ITPKB: variants seen among roughly 807,000 people sequenced by gnomAD.
The protein encoded by ITPKB is inositol-trisphosphate 3-kinase B, also known as IP3 3-kinase B.
Under a neutral mutation model 69.4 loss-of-function variants are expected in ITPKB, and 13 were observed. The observed-to-expected ratio is 0.19, with a 90% CI of 0.12 to 0.30. The LOEUF (loss-of-function observed/expected upper bound fraction) is 0.30. Ranked by LOEUF, ITPKB falls within the 10% of genes least tolerant of loss-of-function variation. ITPKB has a pLI of 1.00. For missense variants in ITPKB, 1,240 were observed against 1,250.5 expected (o/e 0.99, Z 0.13); for synonymous variants, 584 against 513.7 (o/e 1.14, Z -1.85).
intron 2 of ITPKB, among the ~76,000 whole-genome samples, chr1:226,697,699 G>A (rs1656526594): frequency 6.6e-6 from 1 of 152,224 alleles, no homozygotes; most frequent in East Asian, 1.9e-4. Flanking sequence ...GAGAAGGGAG[G>A]CGATTAGTGG....
At chr1:226,683,626 G>A (rs911640422) in intron 2 of ITPKB, among the ~76,000 whole-genome samples, 2 of 152,032 alleles carry the variant, frequency 1.3e-5, no homozygotes, top group Admixed American at 1.3e-4. Context: ...CGGGGGAAGG[G>A]GAGTGTAGAC....
intron 7 of ITPKB, among the ~76,000 whole-genome samples, chr1:226,636,794 G>T (rs552484632): frequency 0.01 from 1,197 of 116,970 alleles, 16 homozygotes; most frequent in African/African-American, 0.05. Flanking sequence ...GTGTGTGTGT[G>T]AGACTGGGAA....
intron 4 of ITPKB, among the ~76,000 whole-genome samples, chr1:226,644,772 A>T (rs1669031084): frequency 6.6e-6 from 1 of 152,154 alleles, no homozygotes; most frequent in Non-Finnish European, 1.5e-5. Flanking sequence ...ATGTGAGGTA[A>T]CCCTGGGCTC....
In ITPKB at chr1:226,735,593, G is replaced by A. The variant is rs945607729; in HGVS notation, c.1866C>T (p.Asp622=). The change falls in exon 2 of 8, where the codon GAC becomes GAT. Residue 622 remains aspartate, a synonymous_variant. Transcript: ENST00000429204. The part of the protein sequence containing the change: ...YEDSEEDISS[D]PERTLDPNSA... ...AGTTGGGGTCCAGGGTGCGCTCAGG[G>A]TCACTGGAGATGTCCTCCTCTGAGT... is the stretch of plus-strand genomic sequence containing the variant. 2 of 1,595,840 alleles carry A rather than the reference G, an allele frequency of 1.3e-6. No homozygotes were observed. The highest frequency in any genetic ancestry group is 2.2e-5 in the East Asian group (1 of 44,640).
At position 226,736,672 on chromosome 1, in the gene ITPKB, C is replaced by G; in HGVS notation, c.787G>C (p.Ala263Pro). Reference protein sequence around the residue: ...AFVRMEKGIPASPRCGSPTAM... With the variant: ...AFVRMEKGIPPSPRCGSPTAM... ...GTGGGTGAGCCACAGCGGGGACTGGCAGGGATACCCTTCTCCATCCTTACA... is the reference window on the plus strand; with the variant it reads ...GTGGGTGAGCCACAGCGGGGACTGGGAGGGATACCCTTCTCCATCCTTACA... Residue 263 changes from alanine (A) to proline (P), a missense_variant, in exon 2 of 8, where the codon GCC (alanine) becomes CCC (proline). Physicochemically the swap from Ala to Pro is conservative, Grantham distance 27. Transcript: ENST00000429204. The G allele has an allele frequency of 1.2e-6, 2 of 1,613,248 alleles. No individual in the cohort carries two copies. Among genetic ancestry groups the G allele is most frequent in the Non-Finnish European group, 1.7e-6 (2 of 1,179,928 alleles).
Position 226,634,785 on chromosome 1 carries a change from G to A in ITPKB, c.2727C>T (p.Thr909=). ...GKTTPLPEGQ[T]LQHDVPWQEG... ...CCTGCCAGGGGACGTCATGCTGCAG[G>A]GTCTGGCCCTCAGGCAGGGGCGTGG... Residue 909 remains threonine, a synonymous_variant, in exon 8 of 8, where the codon ACC becomes ACT. Transcript: ENST00000429204. The surrounding 1 kb of genome is among the most constrained non-coding windows in gnomAD (Gnocchi z 6.3). 6.4e-7 allele frequency: 1 copy of A among 1,564,896 alleles called. No individual in the cohort carries two copies. Among genetic ancestry groups the A allele is most frequent in the Non-Finnish European group, 8.8e-7 (1 of 1,135,122 alleles).
At chr1:226,686,043 C>G (rs1201269242) in intron 2 of ITPKB, among the ~76,000 whole-genome samples, 1 of 152,212 alleles carries the variant, frequency 6.6e-6, no homozygotes, top group Non-Finnish European at 1.5e-5. Context: ...CCCAGGTTAA[C>G]AAGGCAAGTT....
At chr1:226,715,705 T>C (rs1184161617) in intron 2 of ITPKB, among the ~76,000 whole-genome samples, 2 of 152,264 alleles carry the variant, frequency 1.3e-5, no homozygotes, top group Non-Finnish European at 2.9e-5. Context: ...TCAACGTCAA[T>C]TTTCTAGGTA....
At chr1:226,670,664 G>C (rs1669596364) in intron 2 of ITPKB, among the ~76,000 whole-genome samples, 1 of 152,216 alleles carries the variant, frequency 6.6e-6, no homozygotes, top group Non-Finnish European at 1.5e-5. Flanking sequence ...CAATTTATAA[G>C]AGTAGTTGTA....
intron 2 of ITPKB, among the ~76,000 whole-genome samples, chr1:226,656,003 C>T (rs147887700): frequency 4.0e-4 from 61 of 152,336 alleles, no homozygotes; most frequent in African/African-American, 1.1e-3. Context: ...CCTGTCCCCA[C>T]GCCACCTTAG....
At chr1:226,674,320 C>G (rs965009798) in intron 2 of ITPKB, among the ~76,000 whole-genome samples, 7 of 152,310 alleles carry the variant, frequency 4.6e-5, no homozygotes, top group Non-Finnish European at 8.8e-5. Context: ...CTGCCTCAGC[C>G]TCCGAGTAGC....
Position 226,642,586 on chromosome 1 carries a change from C to A in ITPKB, c.2247-461G>T, listed in dbSNP as rs1048183248. Among the ~76,000 whole-genome samples, 1 of 152,044 alleles carries A rather than the reference C, an allele frequency of 6.6e-6. No individual in the cohort carries two copies. Among genetic ancestry groups the A allele is most frequent in the Non-Finnish European group, 1.5e-5 (1 of 68,016 alleles). On this transcript the variant is annotated intron_variant, in intron 4 of 7. Transcript: ENST00000429204. This position sits in a 1 kb window ranked among gnomAD's most constrained non-coding sequence, Gnocchi z 6.4. ...GCCCAAGGAGCTCCTCCTCGGGAGACCCCCACAGGAACCAGCAGAAGAAGG... is the reference window on the plus strand; with the variant it reads ...GCCCAAGGAGCTCCTCCTCGGGAGAACCCCACAGGAACCAGCAGAAGAAGG...
At chr1:226,719,683 T>TG (rs1315752271) in intron 2 of ITPKB, among the ~76,000 whole-genome samples, 1 of 152,254 alleles carries the variant, frequency 6.6e-6, no homozygotes, top group Non-Finnish European at 1.5e-5. Flanking sequence ...TTGTACCTGT[T>TG]GGACTCATGC....
At position 226,650,657 on chromosome 1, in the gene ITPKB, G is replaced by A. The variant is rs561013117; in HGVS notation, c.1933-1886C>T. ...GAGAGTGCACAGCCGGTCACCACCCGTGGGTCACATCCCTGCAGCAGAGCT... is the reference window on the plus strand; with the variant it reads ...GAGAGTGCACAGCCGGTCACCACCCATGGGTCACATCCCTGCAGCAGAGCT... On this transcript the variant is annotated intron_variant, in intron 2 of 7. Coordinates refer to ENST00000429204, the MANE Select transcript of ITPKB (RefSeq NM_002221.4). Among the ~76,000 whole-genome samples, 9 of 152,332 alleles carry A rather than the reference G, an allele frequency of 5.9e-5. No individual in the cohort carries two copies. In the East Asian group the frequency reaches 7.7e-4, roughly 13 times the overall value.
chr1:226,649,054 GCAC>G (rs768175660), intron 2 of ITPKB, among the ~76,000 whole-genome samples: 7 of 152,322 alleles, frequency 4.6e-5, no homozygotes, highest in African/African-American at 1.2e-4. Flanking sequence ...CCACCCAGCC[GCAC>G]CACATTAGTT....
intron 4 of ITPKB, among the ~76,000 whole-genome samples, chr1:226,645,567 G>T (rs1669044198): frequency 6.6e-6 from 1 of 152,164 alleles, no homozygotes; most frequent in African/African-American, 2.4e-5. Context: ...TACTTTTTTG[G>T]CCAGGTCTGA....
In ITPKB at chr1:226,634,503, G is replaced by T. The variant is rs1668787970; in HGVS notation, c.*168C>A. ...AGTGCAAACACCACCTCCAAGCCCT[G>T]AAGTTAGGAAAATGACTAGAAACTC... On this transcript the variant is annotated 3_prime_UTR_variant, in exon 8 of 8. Coordinates refer to ENST00000429204, the MANE Select transcript of ITPKB (RefSeq NM_002221.4). This position sits in a 1 kb window ranked among gnomAD's most constrained non-coding sequence, Gnocchi z 6.3. 1 of 597,428 alleles carries T rather than the reference G, an allele frequency of 1.7e-6. No individual in the cohort carries two copies. The highest frequency in any genetic ancestry group is 2.9e-5 in the Admixed American group (1 of 34,062). The allele number at this position is 597,428 out of a possible 1,614,324, so 37.0% of individuals were successfully genotyped here. A position where few individuals can be genotyped will look rare whatever the true frequency, so the allele number is the denominator to read the frequency against.
At chr1:226,686,280 C>T (rs1438802882) in intron 2 of ITPKB, among the ~76,000 whole-genome samples, 2 of 152,194 alleles carry the variant, frequency 1.3e-5, no homozygotes, top group East Asian at 3.8e-4. Context: ...CTCCAACTCC[C>T]TAGTCACCCA....
rs74944091 is a variant in ITPKB at position 226,692,754 on chromosome 1, T to G, written c.1932+42773A>C. On this transcript the variant is annotated intron_variant, in intron 2 of 7. Coordinates refer to ENST00000429204, the MANE Select transcript of ITPKB (RefSeq NM_002221.4). ...AGCATGTCACGCAGGGGATTTATTCTTCAAATGTAGAATTGTTAGTGCTCA... is the reference window on the plus strand; with the variant it reads ...AGCATGTCACGCAGGGGATTTATTCGTCAAATGTAGAATTGTTAGTGCTCA... Among the ~76,000 whole-genome samples, 574 of 152,346 alleles carry G rather than the reference T, an allele frequency of 3.8e-3. 4 individuals carry two copies. Among genetic ancestry groups the G allele is most frequent in the African/African-American group, 0.013 (556 of 41,586 alleles).
Sources: gnomAD v4.1 joint callset for allele counts (sites outside exome capture counted in the v4.1 genomes callset) on GRCh38, gnomAD v4.1.1 for gene constraint, Gnocchi (gnomAD v3.1) non-coding constraint, MANE v1.5 for transcripts, NCBI Gene and HGNC (gene_info 2026-07-23, HGNC 2026-07-21) for gene names.